The following ADAMTS3 variants were observed in gnomAD, a reference collection of about 807,000 sequenced individuals.
ADAMTS3 encodes the protein ADAM metallopeptidase with thrombospondin type 1 motif 3, also known as A disintegrin and metalloproteinase with thrombospondin motifs 3.
Under a neutral mutation model 129.0 loss-of-function variants are expected in ADAMTS3, and 73 were observed. That is an observed-to-expected ratio of 0.57 (90% CI 0.47 to 0.69). The LOEUF (loss-of-function observed/expected upper bound fraction) is 0.69. Ranked by LOEUF, ADAMTS3 falls within the 30% of genes least tolerant of loss-of-function variation. The pLI, the probability that ADAMTS3 is intolerant of heterozygous loss-of-function variation, is 0.00. For missense variants in ADAMTS3, 1,457 were observed against 1,514.5 expected, an observed-to-expected ratio of 0.96 and a Z score of 0.63; for synonymous variants, 477 against 510.8, an observed-to-expected ratio of 0.93 and a Z score of 0.89.
chr4:72,404,136 C>A (rs543164591), intron 4 of ADAMTS3, among the ~76,000 whole-genome samples: 2 of 152,166 alleles, frequency 1.3e-5, no homozygotes, highest in East Asian at 3.9e-4. Context: ...ATTAAGATGC[C>A]AGTGGCATTT....
In ADAMTS3 at chr4:72,508,162, G is replaced by C. The variant is rs536839800; in HGVS notation, c.504+40316C>G. 2.6e-5 allele frequency among the ~76,000 whole-genome samples: 4 copies of C among 152,160 alleles called. 1 individual carries two copies. In the East Asian group the frequency reaches 7.7e-4, roughly 29 times the overall value. On this transcript the variant is annotated intron_variant, in intron 3 of 21. Coordinates refer to ENST00000286657, the MANE Select transcript of ADAMTS3 (RefSeq NM_014243.3). ...TCATAAGTCATTAAAGTAAAACATA[G>C]AAGTCCCCCTAAACACACATTTCCA...
chr4:72,320,564 C>G (rs1719525975), intron 7 of ADAMTS3, 150 bp downstream of exon 7: 1 of 770,462 alleles, frequency 1.3e-6, no homozygotes, highest in African/African-American at 1.8e-5. Flanking sequence ...ACATAAGTCA[C>G]TGTAAGCAAA....
intron 5 of ADAMTS3, among the ~76,000 whole-genome samples, chr4:72,325,713 G>A (rs1332970959): frequency 6.6e-6 from 1 of 152,082 alleles, no homozygotes; most frequent in East Asian, 1.9e-4. Context: ...AGAGTAGGAG[G>A]CACTTACAGC....
intron 16 of ADAMTS3, 23 bp from the exon 17 acceptor site, chr4:72,304,103 C>T (rs771636509): frequency 6.2e-7 from 1 of 1,606,818 alleles, no homozygotes; most frequent in Non-Finnish European, 8.5e-7. Flanking sequence ...AAATGAGTAA[C>T]CAGCATACAT....
intron 17 of ADAMTS3, among the ~76,000 whole-genome samples, chr4:72,302,922 G>A (rs1487666658): frequency 1.3e-5 from 2 of 152,134 alleles, no homozygotes; most frequent in East Asian, 1.9e-4. Context: ...AGCAGGCTGA[G>A]GCTGAGATCT....
intron 3 of ADAMTS3, among the ~76,000 whole-genome samples, chr4:72,485,678 T>C (rs1195120116): frequency 1.3e-5 from 2 of 152,200 alleles, no homozygotes; most frequent in East Asian, 3.8e-4. Flanking sequence ...CTCCTAACCA[T>C]ACTTACATTG....
At position 72,281,612 on chromosome 4, in the gene ADAMTS3, C is replaced by T. The variant is rs1029518269; in HGVS notation, c.*1524G>A. 2.6e-5 allele frequency: 4 copies of T among 152,152 alleles called. No homozygotes were observed. The highest frequency in any genetic ancestry group is 4.8e-5 in the African/African-American group (2 of 41,438). 9.4% of individuals were successfully genotyped at this position (152,152 alleles called of 1,614,324 possible). Reference sequence around the variant, plus strand: ...GTTTCCTTGAAGGGAAACAAGTCATCAACTTAATATCAACTACTAAAAATG... The same window carrying T: ...GTTTCCTTGAAGGGAAACAAGTCATTAACTTAATATCAACTACTAAAAATG... On this transcript the variant is annotated 3_prime_UTR_variant, in exon 22 of 22. Transcript: ENST00000286657.
At chr4:72,286,699 C>G (rs1249273688) in intron 21 of ADAMTS3, among the ~76,000 whole-genome samples, 1 of 152,048 alleles carries the variant, frequency 6.6e-6, no homozygotes, top group Non-Finnish European at 1.5e-5. Context: ...TTGTCACTGT[C>G]GTGGCTTTAG....
At chr4:72,414,454 A>G (rs564512798) in intron 4 of ADAMTS3, among the ~76,000 whole-genome samples, 1 of 152,004 alleles carries the variant, frequency 6.6e-6, no homozygotes, top group Non-Finnish European at 1.5e-5. Context: ...ATCCTAGTAT[A>G]CATCCTTTAA....
At chr4:72,485,970 C>T (rs1424455426) in intron 3 of ADAMTS3, among the ~76,000 whole-genome samples, 1 of 152,266 alleles carries the variant, frequency 6.6e-6, no homozygotes, top group South Asian at 2.1e-4. Flanking sequence ...ACTGCTGGTA[C>T]CTTGATCTTG....
At chr4:72,334,421 T>C (rs901751596) in intron 5 of ADAMTS3, among the ~76,000 whole-genome samples, 1 of 152,152 alleles carries the variant, frequency 6.6e-6, no homozygotes, top group African/African-American at 2.4e-5. Context: ...TTGGATATAA[T>C]TATGAGGCTT....
rs1412585358 is a variant in ADAMTS3 at position 72,370,061 on chromosome 4, T to C, written c.662-30368A>G. The stretch of plus-strand genomic sequence containing the variant: ...TCTATTTCAATCTATTCCCATACAT[T>C]AGTTATTGAAAAATAATAGACAATC... On this transcript the variant is annotated intron_variant, in intron 4 of 21. Coordinates refer to ENST00000286657, the MANE Select transcript of ADAMTS3 (RefSeq NM_014243.3). Among the ~76,000 whole-genome samples the C allele has an allele frequency of 2.6e-5, 4 of 152,180 alleles. No individual in the cohort carries two copies. In the South Asian group the frequency reaches 6.2e-4, roughly 24 times the overall value.
intron 9 of ADAMTS3, 113 bp downstream of exon 9, chr4:72,319,219 T>C: frequency 1.6e-6 from 2 of 1,262,252 alleles, no homozygotes; most frequent in South Asian, 1.4e-5. Flanking sequence ...AAAATGTTTA[T>C]CAGTAATAGT....
At chr4:72,469,665 A>T (rs970318066) in intron 3 of ADAMTS3, among the ~76,000 whole-genome samples, 1 of 151,984 alleles carries the variant, frequency 6.6e-6, no homozygotes, top group Non-Finnish European at 1.5e-5. Context: ...TTATACATGG[A>T]TCTTCTGCCT....
chr4:72,511,224 A>G (rs541844524), intron 3 of ADAMTS3, among the ~76,000 whole-genome samples: 3 of 152,262 alleles, frequency 2.0e-5, no homozygotes, highest in Non-Finnish European at 2.9e-5. Context: ...TGGACAAAAA[A>G]TTCTTGATCA....
chr4:72,326,449 G>A (rs1203228705), intron 5 of ADAMTS3, among the ~76,000 whole-genome samples: 1 of 152,068 alleles, frequency 6.6e-6, no homozygotes, highest in African/African-American at 2.4e-5. Context: ...AAGAGCTGGA[G>A]AAATAATATG....
rs574249116 is a variant in ADAMTS3, at chr4:72,422,765, T to C, written c.505-7794A>G. 3.3e-5 allele frequency among the ~76,000 whole-genome samples: 5 copies of C among 152,298 alleles called. No homozygotes were observed. The East Asian group carries it at 9.7e-4, about 29-fold the overall frequency. ...CCCAATTATAATAAACTAGGTTAGATGGTTTTCTAATTCTCATCAGAGCAT... is the reference window on the plus strand; with the variant it reads ...CCCAATTATAATAAACTAGGTTAGACGGTTTTCTAATTCTCATCAGAGCAT... On this transcript the variant is annotated intron_variant, in intron 3 of 21. Transcript: ENST00000286657.
At chr4:72,568,374 A>G (rs569933598) in intron 1 of ADAMTS3, among the ~76,000 whole-genome samples, 30 of 152,170 alleles carry the variant, frequency 2.0e-4, no homozygotes, top group Non-Finnish European at 3.5e-4. Flanking sequence ...AGAAAGGGGA[A>G]GCCCAGATGG....
chr4:72,313,836 C>T lies in ADAMTS3; in HGVS notation c.1600-14G>A, dbSNP rs1479675104. 3 of 1,613,134 alleles carry T rather than the reference C, an allele frequency of 1.9e-6. No homozygotes were observed. Among genetic ancestry groups the T allele is most frequent in the Non-Finnish European group, 2.5e-6 (3 of 1,179,524 alleles). On this transcript the variant is annotated splice_polypyrimidine_tract_variant and intron_variant, in intron 11 of 21. Transcript: ENST00000286657. ...CTTATAGCACCACTTAGAAAAATGA[C>T]AAAAGGTAATTATTAAAATCACGCA...
Sources: allele counts gnomAD v4.1 joint callset (sites outside exome capture counted in the v4.1 genomes callset), GRCh38; gene constraint gnomAD v4.1.1; transcripts MANE v1.5; gene names NCBI Gene and HGNC (gene_info 2026-07-23, HGNC 2026-07-21).